Variants in SMARCA2 observed in about 807,000 individuals in gnomAD.
The protein encoded by SMARCA2 is SWI/SNF related BAF chromatin remodeling complex subunit ATPase 2, also known as SWI/SNF-related matrix-associated actin-dependent regulator of chromatin subfamily A member 2.
SMARCA2 carries 61 observed loss-of-function variants against 199.8 expected under a neutral mutation model. That is an observed-to-expected ratio of 0.31 (90% confidence interval 0.25 to 0.38). The LOEUF is 0.38. Among genes scored for constraint, SMARCA2 ranks in the 10% least tolerant of loss-of-function variants. The pLI is 1.00. For synonymous variants in SMARCA2, 935 were observed against 732.0 expected (o/e 1.28, Z -4.48); for missense variants, 1,344 against 2,012.2 (o/e 0.67, Z 6.35).
rs1285063854 is a variant in SMARCA2, at chr9:2,104,473, T to G, written c.3292+304T>G. ...TTAAAATCTTCCTTGCTCTTAAAAT[T>G]GTTACCTATGTGCCAAAGATATAGA... On this transcript the variant is annotated intron_variant, in intron 23 of 33. Coordinates refer to ENST00000349721, the MANE Select transcript of SMARCA2 (RefSeq NM_003070.5). This position sits in a 1 kb window ranked among gnomAD's most constrained non-coding sequence, Gnocchi z 4.0. Among the ~76,000 whole-genome samples, 1 of 152,234 alleles carries G rather than the reference T, an allele frequency of 6.6e-6. No homozygotes were observed. Among genetic ancestry groups the G allele is most frequent in the Non-Finnish European group, 1.5e-5 (1 of 68,038 alleles).
chr9:2,180,659 T>C (rs1321989528), intron 29 of SMARCA2, among the ~76,000 whole-genome samples: 1 of 152,214 alleles, frequency 6.6e-6, no homozygotes. Flanking sequence ...TTGATCTGAG[T>C]AGACCAAATC....
chr9:2,104,024 A>G lies in SMARCA2; in HGVS notation c.3147A>G (p.Ser1049=). 1 of 1,614,062 alleles carries G rather than the reference A, an allele frequency of 6.2e-7. No individual in the cohort carries two copies. Among genetic ancestry groups the G allele is most frequent in the Non-Finnish European group, 8.5e-7 (1 of 1,179,978 alleles). Residue 1049 remains serine, a synonymous_variant, in exon 23 of 34, where the codon TCA becomes TCG. Coordinates refer to ENST00000349721, the MANE Select transcript of SMARCA2 (RefSeq NM_003070.5). This position sits in a 1 kb window ranked among gnomAD's most constrained non-coding sequence, Gnocchi z 4.0. ...TCAGGGCTGAACTGTATCGGGCCTC[A>G]GGGAAGTTTGAGCTGCTTGATCGTA... ...VINGAELYRA[S]GKFELLDRIL... is the part of the protein sequence containing the mutation.
At chr9:2,094,239 A>C (rs1163886564) in intron 19 of SMARCA2, among the ~76,000 whole-genome samples, 1 of 152,164 alleles carries the variant, frequency 6.6e-6, no homozygotes, top group Admixed American at 6.5e-5. Context: ...CTGTGTATTA[A>C]ATGCCCTAAT....
chr9:2,118,194 T>A (rs1033275306), intron 25 of SMARCA2, among the ~76,000 whole-genome samples: 1 of 152,182 alleles, frequency 6.6e-6, no homozygotes, highest in Non-Finnish European at 1.5e-5. Flanking sequence ...TTACCAGATA[T>A]TTTGTACTGT....
Position 2,116,236 on chromosome 9 carries a change from C to G in SMARCA2, c.3684+187C>G, listed in dbSNP as rs184207684. Among the ~76,000 whole-genome samples the G allele has an allele frequency of 7.9e-5, 12 of 152,358 alleles. No individual in the cohort carries two copies. In the East Asian group the frequency reaches 2.3e-3, roughly 29 times the overall value. On this transcript the variant is annotated intron_variant, in intron 25 of 33. Coordinates refer to ENST00000349721, the MANE Select transcript of SMARCA2 (RefSeq NM_003070.5). Reference sequence around the variant, plus strand: ...TTATCCAAAATGAGTGTCTTAAGAGCTATGGCTGGAGGAACCTCAAGGCTT... The same window carrying G: ...TTATCCAAAATGAGTGTCTTAAGAGGTATGGCTGGAGGAACCTCAAGGCTT...
intron 29 of SMARCA2, among the ~76,000 whole-genome samples, chr9:2,173,203 C>T (rs1035953742): frequency 1.3e-5 from 2 of 152,154 alleles, no homozygotes; most frequent in African/African-American, 4.8e-5. Flanking sequence ...TGTGTGTGCA[C>T]ATGTGCATGT....
rs146164750 is a variant in SMARCA2 at position 2,039,742 on chromosome 9, C to T, written c.632C>T (p.Thr211Met). 12 of 1,613,780 alleles carry T rather than the reference C, an allele frequency of 7.4e-6. No individual in the cohort carries two copies. In the Admixed American group the frequency reaches 1.7e-4, roughly 22 times the overall value. Residue 211 changes from threonine to methionine, a missense_variant, in exon 4 of 34, where the codon ACG (threonine) becomes ATG (methionine). Thr to Met is a moderately conservative substitution (Grantham distance 81). Around this residue, in one of 18 missense-constraint regions of SMARCA2, gnomAD observed 24 missense variants for 53.7 expected, o/e 0.45. Transcript: ENST00000349721. This position sits in a 1 kb window ranked among gnomAD's most constrained non-coding sequence, Gnocchi z 4.8. ...TLQLAVQGKR[T>M]LPGLQQQQQQ... ...CAGCTTGCAGTCCAGGGGAAAAGGA[C>T]GTTGCCTGGCTTGCAGCAACAACAG...
intron 7 of SMARCA2, 192 bp from the exon 8 acceptor site, chr9:2,058,099 G>A: frequency 1.8e-6 from 1 of 545,566 alleles, no homozygotes; most frequent in Non-Finnish European, 3.3e-6. Flanking sequence ...ACCCGAAGAG[G>A]CTATCTTTCC....
At chr9:2,112,464 C>T (rs1157284700) in intron 24 of SMARCA2, among the ~76,000 whole-genome samples, 1 of 151,972 alleles carries the variant, frequency 6.6e-6, no homozygotes, top group African/African-American at 2.4e-5. Flanking sequence ...GATGTTCCAC[C>T]CCACCCCGCC....
rs1262234996 is a variant in SMARCA2, at chr9:2,169,500, A to G, written c.4200-919A>G. Among the ~76,000 whole-genome samples the G allele has an allele frequency of 1.3e-5, 2 of 152,100 alleles. No homozygotes were observed. Among genetic ancestry groups the G allele is most frequent in the South Asian group, 2.1e-4 (1 of 4,832 alleles). On this transcript the variant is annotated intron_variant, in intron 28 of 33. Coordinates refer to ENST00000349721, the MANE Select transcript of SMARCA2 (RefSeq NM_003070.5). This position sits in a 1 kb window ranked among gnomAD's most constrained non-coding sequence, Gnocchi z 6.5. ...ATTCTGTGTATTTTGAAGCGAGCAC[A>G]TGCGCTTCCACCCCTCTGTTGATTT... is the stretch of plus-strand genomic sequence containing the variant.
chr9:2,089,582 T>A (rs1374220525), intron 19 of SMARCA2, among the ~76,000 whole-genome samples: 1 of 152,206 alleles, frequency 6.6e-6, no homozygotes, highest in Non-Finnish European at 1.5e-5. Flanking sequence ...CCTTTATGCA[T>A]TGTCAGAAAA....
At position 2,058,311 on chromosome 9, in the gene SMARCA2, G is replaced by A; in HGVS notation, c.1368G>A (p.Leu456=). The change falls in exon 8 of 34, where the codon TTG becomes TTA. Residue 456 remains leucine (L), a synonymous_variant. Transcript: ENST00000349721. ...TCTAGGAATACCTGAACAGTATTTTGCAACATGCAAAAGATTTTAAGGAAT... is the reference window on the plus strand; with the variant it reads ...TCTAGGAATACCTGAACAGTATTTTACAACATGCAAAAGATTTTAAGGAAT... ...QKHQEYLNSI[L]QHAKDFKEYH... The A allele has an allele frequency of 6.2e-7, 1 of 1,614,092 alleles. No homozygotes were observed. Among genetic ancestry groups the A allele is most frequent in the Non-Finnish European group, 8.5e-7 (1 of 1,179,958 alleles).
At chr9:2,179,037 TGGGTTCTTGGTCCTGGAGGGATAAG>T (rs1826825544) in intron 29 of SMARCA2, among the ~76,000 whole-genome samples, 1 of 152,114 alleles carries the variant, frequency 6.6e-6, no homozygotes, top group Non-Finnish European at 1.5e-5. Context: ...TTCTGGACAA[TGGGTTCTTGGTCCTGGAGGGATAAG>T]GAAATACTTG....
intron 27 of SMARCA2, among the ~76,000 whole-genome samples, chr9:2,139,129 A>G (rs1824345117): frequency 6.6e-6 from 1 of 152,214 alleles, no homozygotes; most frequent in African/African-American, 2.4e-5. Context: ...CCTGCTTGCC[A>G]CAGGGGTTTA....
intron 8 of SMARCA2, among the ~76,000 whole-genome samples, chr9:2,059,699 T>G (rs752766237): frequency 5.3e-5 from 8 of 152,196 alleles, no homozygotes; most frequent in Non-Finnish European, 8.8e-5. Context: ...ATTAGAGTTA[T>G]AATAGCATTT....
At chr9:2,077,869 T>C (rs2130446958) in intron 14 of SMARCA2, 93 bp downstream of exon 14, 6 of 1,213,378 alleles carry the variant, frequency 4.9e-6, no homozygotes, top group Non-Finnish European at 7.0e-6. Flanking sequence ...TAAGGGCTTT[T>C]GATGATATTT....
intron 32 of SMARCA2, among the ~76,000 whole-genome samples, chr9:2,190,783 TTTTGTACC>T (rs879404880): frequency 1.1e-4 from 16 of 152,366 alleles, no homozygotes; most frequent in South Asian, 4.1e-4. Flanking sequence ...TTACTTTCCA[TTTTGTACC>T]TTTATGTTAA....
rs1449603940 is a variant in SMARCA2 at position 2,017,943 on chromosome 9, G to A, written c.-37+2539G>A. 1.3e-5 allele frequency: 2 copies of A among 152,370 alleles called. No homozygotes were observed. Among genetic ancestry groups the A allele is most frequent in the East Asian group, 3.9e-4 (2 of 5,178 alleles). The allele number at this position is 152,370 out of a possible 1,614,324, so 9.4% of individuals were successfully genotyped here. A position where few individuals can be genotyped will look rare whatever the true frequency, so the allele number is the denominator to read the frequency against. ...TGGGCTCCTTGTCCTCCGATCGATT[G>A]CGTGGAAAACTTTCCAGCGGGAGGC... On this transcript the variant is annotated intron_variant, in intron 1 of 33. Transcript: ENST00000349721. This position sits in a 1 kb window ranked among gnomAD's most constrained non-coding sequence, Gnocchi z 8.8.
rs886676334 is a variant in SMARCA2 at position 2,161,005 on chromosome 9, G to C, written c.3982-681G>C. On this transcript the variant is annotated intron_variant, in intron 27 of 33. Transcript: ENST00000349721. This position sits in a 1 kb window ranked among gnomAD's most constrained non-coding sequence, Gnocchi z 4.7. ...TTTATTATCTCTCTGCATTAGTGCT[G>C]CTGGCTCTGGTTTAAAGCAAGCGTT... 1 of 172,408 alleles carries C rather than the reference G, an allele frequency of 5.8e-6. No homozygotes were observed. Among genetic ancestry groups the C allele is most frequent in the African/African-American group, 2.4e-5 (1 of 41,938 alleles). The allele number at this position is 172,408 out of a possible 1,614,324, so 10.7% of individuals were successfully genotyped here.
Sources: gnomAD v4.1 joint callset for allele counts (sites outside exome capture counted in the v4.1 genomes callset) on GRCh38, gnomAD v4.1.1 for gene constraint, gnomAD v4.1.1 regional missense constraint, Gnocchi (gnomAD v3.1) non-coding constraint, MANE v1.5 for transcripts, NCBI Gene and HGNC (gene_info 2026-07-23, HGNC 2026-07-21) for gene names.